The following FZR1 variants were observed in gnomAD, a reference collection of about 807,000 sequenced individuals.
FZR1 encodes the protein fizzy and cell division cycle 20 related 1, also known as fizzy-related protein homolog.
A neutral mutation model predicts 63.6 loss-of-function variants in FZR1; 11 were observed. The observed-to-expected ratio is 0.17, with a 90% confidence interval of 0.11 to 0.29. The LOEUF (loss-of-function observed/expected upper bound fraction) is 0.29, where lower values mean the gene tolerates loss of function less well. Among genes scored for constraint, FZR1 ranks in the 10% least tolerant of loss-of-function variants. The probability of loss-of-function intolerance (pLI) is 1.00; values close to 1 mark genes in which losing one functional copy is unlikely to be tolerated. For synonymous variants in FZR1, 328 were observed against 297.9 expected (o/e 1.10, Z -1.04); for missense variants, 440 against 687.5 (o/e 0.64, Z 4.03).
chr19:3,530,758 C>G, intron 7 of FZR1, 34 bp from the exon 8 acceptor site: 2 of 1,576,812 alleles, frequency 1.3e-6, no homozygotes, highest in Admixed American at 3.4e-5. Flanking sequence ...GCTTCGAGAC[C>G]AGCGGCAAAG....
Position 3,516,930 on chromosome 19 carries a change from C to T in FZR1, c.-34-6026C>T, listed in dbSNP as rs1419343258. Among the ~76,000 whole-genome samples, 2 of 152,248 alleles carry T rather than the reference C, an allele frequency of 1.3e-5. No individual in the cohort carries two copies. Among genetic ancestry groups the T allele is most frequent in the African/African-American group, 4.8e-5 (2 of 41,466 alleles). ...AGGGGCCGTGTGCAGCTGCAGCTGGCGCCCGGTGTATTTGCTTTCAGTGCT... is the reference window on the plus strand; with the variant it reads ...AGGGGCCGTGTGCAGCTGCAGCTGGTGCCCGGTGTATTTGCTTTCAGTGCT... On this transcript the variant is annotated intron_variant, in intron 1 of 13. Coordinates refer to ENST00000441788, the MANE Select transcript of FZR1 (RefSeq NM_016263.4). The surrounding 1 kb of genome is among the most constrained non-coding windows in gnomAD (Gnocchi z 6.0).
chr19:3,527,526 C>T (rs111684256), intron 6 of FZR1, 105 bp from the exon 7 acceptor site: 29,085 of 853,330 alleles, frequency 0.034, 691 homozygotes, highest in Middle Eastern at 0.11. Flanking sequence ...TTGGAGGGGC[C>T]GGACTGGGCT....
At chr19:3,506,810 C>T (rs1396629277) in intron 1 of FZR1, among the ~76,000 whole-genome samples, 1 of 152,172 alleles carries the variant, frequency 6.6e-6, no homozygotes, top group Non-Finnish European at 1.5e-5. Context: ...GCCCTGCACC[C>T]CCAACCAGGG....
At chr19:3,512,649 G>A (rs1340410672) in intron 1 of FZR1, among the ~76,000 whole-genome samples, 4 of 152,194 alleles carry the variant, frequency 2.6e-5, no homozygotes, top group Admixed American at 1.3e-4. Context: ...GCTGAGGGCC[G>A]CGTGTGCTGG....
At chr19:3,534,308 A>G (rs889093561) in intron 12 of FZR1, 113 bp from the exon 13 acceptor site, 1 of 562,220 alleles carries the variant, frequency 1.8e-6, no homozygotes, top group Admixed American at 3.3e-5. Flanking sequence ...CTGGCTCCAG[A>G]GTCTGGGGGG....
chr19:3,510,120 G>A (rs899360486), intron 1 of FZR1, among the ~76,000 whole-genome samples: 5 of 151,936 alleles, frequency 3.3e-5, no homozygotes, highest in African/African-American at 4.8e-5. Context: ...ATTGCTGCAC[G>A]GTTCTGATTT....
intron 13 of FZR1, 134 bp from the exon 14 acceptor site, chr19:3,534,661 C>A: frequency 2.2e-6 from 2 of 911,860 alleles, no homozygotes; most frequent in Non-Finnish European, 1.8e-6. Context: ...TGTGTCGGGG[C>A]AGTGTGGCAG....
At position 3,538,201 on chromosome 19, in the gene FZR1, C is replaced by A. The variant is rs2030064495; in HGVS notation, c.*3365C>A. On this transcript the variant is annotated 3_prime_UTR_variant, in exon 14 of 14. Coordinates refer to ENST00000441788, the MANE Select transcript of FZR1 (RefSeq NM_016263.4). ...CGGAGACCAGGGTGCAGGCTCCGCC[C>A]CCACCCAAGGCCGGGCCCAGCCAGA... 6.2e-6 allele frequency: 1 copy of A among 160,722 alleles called. No homozygotes were observed. The highest frequency in any genetic ancestry group is 1.4e-5 in the Non-Finnish European group (1 of 73,602). The allele number at this position is 160,722 out of a possible 1,614,324, so 10.0% of individuals were successfully genotyped here.
intron 1 of FZR1, among the ~76,000 whole-genome samples, chr19:3,522,159 T>G (rs905581890): frequency 1.3e-5 from 2 of 152,242 alleles, no homozygotes; most frequent in Admixed American, 6.5e-5. Flanking sequence ...TGTGGTTTGC[T>G]GGCCCTGGTG....
chr19:3,523,195 G>A, intron 2 of FZR1, 137 bp downstream of exon 2: 1 of 700,814 alleles, frequency 1.4e-6, no homozygotes, highest in East Asian at 2.6e-5. Flanking sequence ...GGTCACACGG[G>A]GCCTCCGCCT....
intron 1 of FZR1, among the ~76,000 whole-genome samples, chr19:3,508,775 C>T (rs2083004539): frequency 6.6e-6 from 1 of 152,230 alleles, no homozygotes; most frequent in African/African-American, 2.4e-5. Flanking sequence ...AATTCTGTCC[C>T]CAGGGGACAT....
At chr19:3,509,654 T>A (rs2083010655) in intron 1 of FZR1, among the ~76,000 whole-genome samples, 1 of 152,186 alleles carries the variant, frequency 6.6e-6, no homozygotes, top group Admixed American at 6.5e-5. Context: ...CTCCCCTGCC[T>A]CTGTGGCTGG....
intron 1 of FZR1, among the ~76,000 whole-genome samples, chr19:3,507,268 G>GT (rs2082991234): frequency 6.7e-6 from 1 of 149,802 alleles, no homozygotes; most frequent in Non-Finnish European, 1.5e-5. Context: ...TCCGTCCTGC[G>GT]TCCTGCCCCG....
rs1390504572 is a variant in FZR1 at position 3,515,429 on chromosome 19, C to T, written c.-34-7527C>T. Among the ~76,000 whole-genome samples the T allele has an allele frequency of 6.6e-6, 1 of 150,686 alleles. No individual in the cohort carries two copies. Among genetic ancestry groups the T allele is most frequent in the East Asian group, 1.9e-4 (1 of 5,202 alleles). The stretch of plus-strand genomic sequence containing the variant: ...GGAGCCTGCCTGGCCCATCTCTGAC[C>T]GTGGTTTGTTTTTTTGAATACCTCA... On this transcript the variant is annotated intron_variant, in intron 1 of 13. Coordinates refer to ENST00000441788, the MANE Select transcript of FZR1 (RefSeq NM_016263.4). The surrounding 1 kb of genome is among the most constrained non-coding windows in gnomAD (Gnocchi z 4.6).
intron 11 of FZR1, among the ~76,000 whole-genome samples, chr19:3,532,983 C>T (rs1599794266): frequency 6.6e-6 from 1 of 151,858 alleles, no homozygotes. Context: ...CTGGCCTGCT[C>T]CAGCCACTCC....
chr19:3,524,923 G>A (rs927708775), intron 2 of FZR1, among the ~76,000 whole-genome samples: 4 of 152,110 alleles, frequency 2.6e-5, no homozygotes, highest in South Asian at 2.1e-4. Flanking sequence ...CAAGAAACTC[G>A]TGTCCAATCA....
chr19:3,512,126 A>G (rs1316309745), intron 1 of FZR1, among the ~76,000 whole-genome samples: 1 of 152,202 alleles, frequency 6.6e-6, no homozygotes, highest in African/African-American at 2.4e-5. Context: ...GTCTGTGGAC[A>G]GGAGGTCACT....
chr19:3,512,491 T>C (rs2083030918), intron 1 of FZR1, among the ~76,000 whole-genome samples: 1 of 152,102 alleles, frequency 6.6e-6, no homozygotes, highest in South Asian at 2.1e-4. Flanking sequence ...CAGCCTGGGC[T>C]GATCCCGTCG....
intron 7 of FZR1, among the ~76,000 whole-genome samples, chr19:3,530,345 T>TGAGCAGAAGGGA (rs1178433385): frequency 1.1e-5 from 1 of 89,672 alleles, no homozygotes; most frequent in Non-Finnish European, 2.2e-5. Context: ...AGTGGATGGT[T>TGAGCAGAAGGGA]GAGCAGAAGG....
Sources: gnomAD v4.1 joint callset for allele counts (sites outside exome capture counted in the v4.1 genomes callset) on GRCh38, gnomAD v4.1.1 for gene constraint, Gnocchi (gnomAD v3.1) non-coding constraint, MANE v1.5 for transcripts, NCBI Gene and HGNC (gene_info 2026-07-23, HGNC 2026-07-21) for gene names.